BHMT2: variants seen among roughly 807,000 people sequenced by gnomAD.
BHMT2 encodes the protein S-methylmethionine--homocysteine S-methyltransferase BHMT2.
Under a neutral mutation model 39.0 loss-of-function variants are expected in BHMT2, and 28 were observed. The observed-to-expected ratio is 0.72, with a 90% CI of 0.53 to 0.98. The LOEUF (loss-of-function observed/expected upper bound fraction) is 0.98. Ranked by LOEUF, BHMT2 falls within the 50% of genes least tolerant of loss-of-function variation. The probability of loss-of-function intolerance (pLI) is 0.00; values close to 1 mark genes in which losing one functional copy is unlikely to be tolerated. For synonymous variants in BHMT2, 145 were observed against 160.6 expected (o/e 0.90, Z 0.74); for missense variants, 410 against 455.6 (o/e 0.90, Z 0.91).
intron 1 of BHMT2, among the ~76,000 whole-genome samples, chr5:79,070,503 T>G (rs670220): frequency 0.72 from 110,128 of 151,962 alleles, 40,610 homozygotes; most frequent in East Asian, 0.79. Context: ...GGGGGTGGGA[T>G]GAAGGAGTGA....
chr5:79,083,530 A>T, intron 6 of BHMT2, 98 bp from the exon 7 acceptor site: 1 of 1,500,390 alleles, frequency 6.7e-7, no homozygotes, highest in Admixed American at 2.3e-5. Flanking sequence ...CATCATCTAA[A>T]GTTTATAGTT....
In BHMT2 at chr5:79,078,444, G is replaced by T. The variant is rs572713461; in HGVS notation, c.166+832G>T. Among the ~76,000 whole-genome samples, 3 of 152,312 alleles carry T rather than the reference G, an allele frequency of 2.0e-5. No individual in the cohort carries two copies. The South Asian group carries it at 6.2e-4, about 32-fold the overall frequency. ...TGTAAGAGAACACTAGCTGAGACTG[G>T]AACTTTTGATTCACTCTGATTTTAT... On this transcript the variant is annotated intron_variant, in intron 2 of 7. Transcript: ENST00000255192.
intron 7 of BHMT2, among the ~76,000 whole-genome samples, 174 bp from the exon 8 acceptor site, chr5:79,088,318 CA>C (rs1196501727): frequency 7.3e-5 from 11 of 150,460 alleles, no homozygotes; most frequent in African/African-American, 2.7e-4. Context: ...TATGTTAAAA[CA>C]AAAGTTCTGC....
At chr5:79,075,416 AC>A (rs1755654827) in intron 1 of BHMT2, among the ~76,000 whole-genome samples, 1 of 152,080 alleles carries the variant, frequency 6.6e-6, no homozygotes, top group African/African-American at 2.4e-5. Flanking sequence ...CTGCCTATGT[AC>A]CCTGCTTGAT....
At chr5:79,074,651 T>C (rs1466343002) in intron 1 of BHMT2, among the ~76,000 whole-genome samples, 1 of 152,166 alleles carries the variant, frequency 6.6e-6, no homozygotes, top group Non-Finnish European at 1.5e-5. Flanking sequence ...GGTCACTTTG[T>C]GTGGGGAGTA....
intron 1 of BHMT2, among the ~76,000 whole-genome samples, chr5:79,072,550 A>T (rs1755598821): frequency 6.6e-6 from 1 of 152,152 alleles, no homozygotes; most frequent in Admixed American, 6.5e-5. Context: ...TACTCATTTT[A>T]GTTGTTATAT....
intron 1 of BHMT2, among the ~76,000 whole-genome samples, chr5:79,070,217 G>T (rs1446351693): frequency 1.3e-5 from 2 of 152,194 alleles, no homozygotes; most frequent in East Asian, 3.9e-4. Context: ...CAGCTCTTTG[G>T]GCTAATCCGT....
In BHMT2 at chr5:79,089,474, G is replaced by C. The variant is rs1755978990; in HGVS notation, c.*900G>C. On this transcript the variant is annotated 3_prime_UTR_variant, in exon 8 of 8. Transcript: ENST00000255192. The stretch of plus-strand genomic sequence containing the variant: ...TCAAAAAAAAAAAAAAAAGATATTA[G>C]GTCCTAGAATTTTTAAAATGTGTCT... 6.6e-6 allele frequency: 1 copy of C among 151,216 alleles called. No homozygotes were observed. The highest frequency in any genetic ancestry group is 2.4e-5 in the African/African-American group (1 of 41,032). The allele number at this position is 151,216 out of a possible 1,614,324, so 9.4% of individuals were successfully genotyped here. A position where few individuals can be genotyped will look rare whatever the true frequency, so the allele number is the denominator to read the frequency against.
At position 79,088,648 on chromosome 5, in the gene BHMT2, T is replaced by A; in HGVS notation, c.*74T>A. 1 of 1,199,192 alleles carries A rather than the reference T, an allele frequency of 8.3e-7. No individual in the cohort carries two copies. The highest frequency in any genetic ancestry group is 1.2e-6 in the Non-Finnish European group (1 of 818,424). The allele number at this position is 1,199,192 out of a possible 1,614,324, so 74.3% of individuals were successfully genotyped here. ...CTCAAGCCTGACCTGGAACCGTTCC[T>A]CACCTTCATCCTCACCATGCCCTGC... On this transcript the variant is annotated 3_prime_UTR_variant, in exon 8 of 8. Coordinates refer to ENST00000255192, the MANE Select transcript of BHMT2 (RefSeq NM_017614.5).
chr5:79,074,477 C>G lies in BHMT2; in HGVS notation c.34-3003C>G, dbSNP rs1755635394. Among the ~76,000 whole-genome samples the G allele has an allele frequency of 2.6e-5, 4 of 152,188 alleles. No individual in the cohort carries two copies. In the South Asian group the frequency reaches 8.3e-4, roughly 31 times the overall value. ...CAGCTAAGGACAAAGACTCCTGTAACCAAGATCAAATTAGCTTCCCTCTTA... is the reference window on the plus strand; with the variant it reads ...CAGCTAAGGACAAAGACTCCTGTAAGCAAGATCAAATTAGCTTCCCTCTTA... On this transcript the variant is annotated intron_variant, in intron 1 of 7. Coordinates refer to ENST00000255192, the MANE Select transcript of BHMT2 (RefSeq NM_017614.5).
chr5:79,069,894 C>A (rs1755516425), intron 1 of BHMT2, 79 bp downstream of exon 1: 1 of 1,290,292 alleles, frequency 7.8e-7, no homozygotes, highest in South Asian at 2.5e-5. Flanking sequence ...CGGCGTCCAT[C>A]CCTAGCCAAG....
At chr5:79,086,357 C>T (rs1303189829) in intron 7 of BHMT2, among the ~76,000 whole-genome samples, 1 of 152,166 alleles carries the variant, frequency 6.6e-6, no homozygotes, top group East Asian at 1.9e-4. Context: ...TCCAGATTTT[C>T]CAGGGGACAG....
rs561283689 is a variant in BHMT2, at chr5:79,073,813, A to G, written c.34-3667A>G. On this transcript the variant is annotated intron_variant, in intron 1 of 7. Coordinates refer to ENST00000255192, the MANE Select transcript of BHMT2 (RefSeq NM_017614.5). Reference sequence around the variant, plus strand: ...GTAAAAAGATGCTGTAGGTAGAGTGACCTGGTATTTACCTCTAGTTAAACC... The same window carrying G: ...GTAAAAAGATGCTGTAGGTAGAGTGGCCTGGTATTTACCTCTAGTTAAACC... 1.1e-4 allele frequency among the ~76,000 whole-genome samples: 16 copies of G among 152,286 alleles called. No homozygotes were observed. The South Asian group carries it at 3.1e-3, about 30-fold the overall frequency.
intron 7 of BHMT2, among the ~76,000 whole-genome samples, chr5:79,084,105 A>G (rs1299578399): frequency 6.6e-6 from 1 of 152,140 alleles, no homozygotes; most frequent in African/African-American, 2.4e-5. Context: ...GAGACTGCAA[A>G]GTCCAAGATC....
At chr5:79,075,164 G>A (rs1755651294) in intron 1 of BHMT2, among the ~76,000 whole-genome samples, 1 of 152,146 alleles carries the variant, frequency 6.6e-6, no homozygotes, top group African/African-American at 2.4e-5. Context: ...ACAAAAACAG[G>A]TGATGTGCCA....
In BHMT2 at chr5:79,083,292, G is replaced by A. The variant is rs59804781; in HGVS notation, c.699G>A (p.Ala233=). ...KEGLEWAGLK[A]HLMVQPLGFH... is the part of the protein sequence containing the mutation. ...GTCTTGAGTGGGCAGGGCTGAAAGC[G>A]CACCTCATGGTGCAGCCTCTGGGGT... The change falls in exon 6 of 8, where the codon GCG becomes GCA. Residue 233 remains alanine, a synonymous_variant. Transcript: ENST00000255192. 12 of 1,613,870 alleles carry A rather than the reference G, an allele frequency of 7.4e-6. No individual in the cohort carries two copies. The highest frequency in any genetic ancestry group is 3.3e-5 in the Admixed American group (2 of 59,986).
chr5:79,079,192 TC>T (rs1755734469), intron 2 of BHMT2, among the ~76,000 whole-genome samples, 176 bp from the exon 3 acceptor site: 1 of 152,216 alleles, frequency 6.6e-6, no homozygotes, highest in Admixed American at 6.5e-5. Flanking sequence ...AAACAGTACA[TC>T]CTGCCTATGA....
chr5:79,085,704 C>G (rs868720378), intron 7 of BHMT2, among the ~76,000 whole-genome samples: 24 of 151,894 alleles, frequency 1.6e-4, no homozygotes, highest in African/African-American at 5.3e-4. Context: ...CAAAAAAACC[C>G]CAAAAATAAA....
At position 79,081,909 on chromosome 5, in the gene BHMT2, C is replaced by T. The variant is rs74291609; in HGVS notation, c.451-900C>T. Among the ~76,000 whole-genome samples the T allele has an allele frequency of 2.8e-3, 422 of 152,228 alleles. 21 individuals are homozygous for T. The East Asian group carries it at 0.053, about 19-fold the overall frequency. On this transcript the variant is annotated intron_variant, in intron 4 of 7. Coordinates refer to ENST00000255192, the MANE Select transcript of BHMT2 (RefSeq NM_017614.5). Reference sequence around the variant, plus strand: ...CCGCCACCATTATTCCCCCTAGTGACCCCACTGAACTCTACTGAAAACCTT... The same window carrying T: ...CCGCCACCATTATTCCCCCTAGTGATCCCACTGAACTCTACTGAAAACCTT...
Sources: allele counts gnomAD v4.1 joint callset (sites outside exome capture counted in the v4.1 genomes callset), GRCh38; gene constraint gnomAD v4.1.1; transcripts MANE v1.5; gene names NCBI Gene and HGNC (gene_info 2026-07-23, HGNC 2026-07-21).